ARHGAP26: variants seen among roughly 807,000 people sequenced by gnomAD.
ARHGAP26 encodes Rho GTPase activating protein 26, also known as rho GTPase-activating protein 26.
Under a neutral mutation model 104.8 loss-of-function variants are expected in ARHGAP26, and 38 were observed. That is an observed-to-expected ratio of 0.36 (90% confidence interval 0.28 to 0.48). The LOEUF (loss-of-function observed/expected upper bound fraction) is 0.48. Ranked by LOEUF, ARHGAP26 falls within the 20% of genes least tolerant of loss-of-function variation. The pLI is 0.99. For missense variants in ARHGAP26, 704 were observed against 947.9 expected, an observed-to-expected ratio of 0.74 and a Z score of 3.38; for synonymous variants, 341 against 340.0, an observed-to-expected ratio of 1.00 and a Z score of -0.03.
chr5:143,040,472 A>G (rs553197818), intron 13 of ARHGAP26, among the ~76,000 whole-genome samples: 2 of 152,322 alleles, frequency 1.3e-5, no homozygotes, highest in East Asian at 1.9e-4. Flanking sequence ...TTTGTTTATT[A>G]TCATGTACCA....
At chr5:142,852,193 T>C (rs1465853635) in intron 1 of ARHGAP26, among the ~76,000 whole-genome samples, 1 of 151,814 alleles carries the variant, frequency 6.6e-6, no homozygotes, top group African/African-American at 2.4e-5. Context: ...ATCAGAGAGG[T>C]AGTTTGGCCT....
In ARHGAP26 at chr5:143,224,322, T is replaced by TG. The variant is rs775123020; in HGVS notation, c.*1878dup. On this transcript the variant is annotated 3_prime_UTR_variant, in exon 23 of 23. Transcript: ENST00000645722. ...CTGAAGGAAAGAGAAGACATTTCTA[T>TG]GGCCTTGCTCTCTGCTGTCCTGTTG... The TG allele has an allele frequency of 2.2e-5, 5 of 231,748 alleles. No homozygotes were observed. Among genetic ancestry groups the TG allele is most frequent in the Non-Finnish European group, 4.3e-5 (5 of 116,864 alleles). The allele number at this position is 231,748 out of a possible 1,614,324, so 14.4% of individuals were successfully genotyped here.
At chr5:143,071,194 C>G (rs2150377359) in intron 17 of ARHGAP26, among the ~76,000 whole-genome samples, 1 of 152,036 alleles carries the variant, frequency 6.6e-6, no homozygotes, top group East Asian at 1.9e-4. Context: ...AAGAACAAAG[C>G]TAGAGGTATC....
chr5:143,081,883 G>A (rs550266905), intron 17 of ARHGAP26, among the ~76,000 whole-genome samples: 3 of 152,200 alleles, frequency 2.0e-5, no homozygotes, highest in Admixed American at 2.0e-4. Context: ...GCGTGGTGGT[G>A]GGTGTAGTCC....
chr5:142,817,500 C>T (rs1487588744), intron 1 of ARHGAP26, among the ~76,000 whole-genome samples: 5 of 152,166 alleles, frequency 3.3e-5, no homozygotes, highest in Non-Finnish European at 7.4e-5. Flanking sequence ...TAAGACAGGT[C>T]TTCCTGCTGT....
chr5:142,889,306 G>T (rs979094546), intron 5 of ARHGAP26, among the ~76,000 whole-genome samples: 2 of 152,128 alleles, frequency 1.3e-5, no homozygotes, highest in Non-Finnish European at 2.9e-5. Context: ...TGTTCTCATG[G>T]ACTTTATATT....
At position 143,041,800 on chromosome 5, in the gene ARHGAP26, CTG is replaced by C; in HGVS notation, c.1211-14_1211-13del. 1 of 1,599,460 alleles carries C rather than the reference CTG, an allele frequency of 6.3e-7. No individual in the cohort carries two copies. Among genetic ancestry groups the C allele is most frequent in the Non-Finnish European group, 8.5e-7 (1 of 1,171,444 alleles). ...TGACGTGCCTCTAATTAAATCATCA[CTG>C]TTTCTTTCCTCAGGGATCAACGAGC... On this transcript the variant is annotated splice_polypyrimidine_tract_variant and intron_variant, in intron 13 of 22. Coordinates refer to ENST00000645722, the MANE Select transcript of ARHGAP26 (RefSeq NM_001135608.3).
intron 17 of ARHGAP26, among the ~76,000 whole-genome samples, chr5:143,095,096 GATA>G (rs1792108114): frequency 6.6e-6 from 1 of 151,460 alleles, no homozygotes; most frequent in South Asian, 2.1e-4. Context: ...TGGGTTCTAA[GATA>G]ATATATTCTT....
chr5:143,162,411 G>T (rs930378887), intron 20 of ARHGAP26, among the ~76,000 whole-genome samples: 1 of 152,102 alleles, frequency 6.6e-6, no homozygotes, highest in African/African-American at 2.4e-5. Flanking sequence ...AAAATGTTCA[G>T]TTGTCACAGT....
At chr5:143,083,263 G>C (rs1598932877) in intron 17 of ARHGAP26, among the ~76,000 whole-genome samples, 1 of 152,190 alleles carries the variant, frequency 6.6e-6, no homozygotes, top group African/African-American at 2.4e-5. Flanking sequence ...AATTCCGGCT[G>C]TATTTCTGCT....
At chr5:143,153,215 G>A (rs1800052258) in intron 20 of ARHGAP26, among the ~76,000 whole-genome samples, 1 of 152,214 alleles carries the variant, frequency 6.6e-6, no homozygotes, top group Non-Finnish European at 1.5e-5. Flanking sequence ...GCTAATGGCT[G>A]AGGCAAACAA....
At chr5:142,792,419 A>G (rs1291178046) in intron 1 of ARHGAP26, among the ~76,000 whole-genome samples, 4 of 152,168 alleles carry the variant, frequency 2.6e-5, no homozygotes, top group African/African-American at 9.7e-5. Context: ...GTGGAACACT[A>G]CCATTCTTAG....
At chr5:142,964,546 AC>A (rs11317162) in intron 11 of ARHGAP26, among the ~76,000 whole-genome samples, 44,114 of 139,242 alleles carry the variant, frequency 0.32, 7,272 homozygotes, top group East Asian at 0.78. Context: ...TGTTTAAAAC[AC>A]ACACACACAC....
chr5:143,115,545 C>A (rs1795335616), intron 17 of ARHGAP26, among the ~76,000 whole-genome samples: 1 of 151,492 alleles, frequency 6.6e-6, no homozygotes, highest in Non-Finnish European at 1.5e-5. Context: ...ACTAGGGGTT[C>A]CTGGGCAGGA....
intron 17 of ARHGAP26, among the ~76,000 whole-genome samples, chr5:143,087,580 T>G (rs1173341477): frequency 6.6e-6 from 1 of 151,672 alleles, no homozygotes; most frequent in Non-Finnish European, 1.5e-5. Flanking sequence ...CCCTAGGGCT[T>G]TTGTCTGTTA....
chr5:142,984,368 C>T (rs1774371520), intron 11 of ARHGAP26, among the ~76,000 whole-genome samples: 1 of 152,144 alleles, frequency 6.6e-6, no homozygotes, highest in Admixed American at 6.6e-5. Context: ...ATTGTACAGT[C>T]CATTAGCAGT....
chr5:142,974,183 TC>T (rs1317705536), intron 11 of ARHGAP26, among the ~76,000 whole-genome samples: 1 of 152,082 alleles, frequency 6.6e-6, no homozygotes, highest in South Asian at 2.1e-4. Context: ...GTTCCATTTA[TC>T]CCTTTTATGT....
At chr5:142,862,771 C>G (rs1488017605) in intron 1 of ARHGAP26, among the ~76,000 whole-genome samples, 10 of 152,168 alleles carry the variant, frequency 6.6e-5, no homozygotes, top group Admixed American at 6.5e-4. Flanking sequence ...TAAACCTCTT[C>G]CAAGAAGGTC....
At chr5:143,139,044 G>C (rs771956499) in intron 19 of ARHGAP26, among the ~76,000 whole-genome samples, 8 of 152,104 alleles carry the variant, frequency 5.3e-5, no homozygotes, top group Non-Finnish European at 1.0e-4. Context: ...TTATCTCCAA[G>C]GGAAAATGTT....
Sources: gnomAD v4.1 joint callset for allele counts (sites outside exome capture counted in the v4.1 genomes callset) on GRCh38, gnomAD v4.1.1 for gene constraint, MANE v1.5 for transcripts, NCBI Gene and HGNC (gene_info 2026-07-23, HGNC 2026-07-21) for gene names.